The following ULK4 variants were observed in gnomAD, a reference collection of about 807,000 sequenced individuals.
ULK4 encodes the protein unc-51 like kinase 4, also known as inactive serine/threonine-protein kinase ULK4.
A neutral mutation model predicts 160.6 loss-of-function variants in ULK4; 133 were observed. The observed-to-expected ratio is 0.83, with a 90% CI of 0.72 to 0.96. The LOEUF (loss-of-function observed/expected upper bound fraction) is 0.96, where lower values mean the gene tolerates loss of function less well. ULK4 is among the 40% of genes least tolerant of loss of function. The pLI is 0.00. For missense variants in ULK4, 1,580 were observed against 1,499.5 expected, an observed-to-expected ratio of 1.05 and a Z score of -0.89; for synonymous variants, 534 against 539.8, an observed-to-expected ratio of 0.99 and a Z score of 0.15.
At chr3:41,342,300 C>T (rs2080702982) in intron 35 of ULK4, among the ~76,000 whole-genome samples, 1 of 152,192 alleles carries the variant, frequency 6.6e-6, no homozygotes, top group Non-Finnish European at 1.5e-5. Flanking sequence ...AAAGGGCTGC[C>T]TGGAAGGCTA....
At chr3:41,906,095 T>TA (rs1347474800) in intron 12 of ULK4, among the ~76,000 whole-genome samples, 8 of 151,410 alleles carry the variant, frequency 5.3e-5, no homozygotes, top group Admixed American at 4.0e-4. Context: ...CAGGCGCCTG[T>TA]AGTCCCAGCT....
At chr3:41,249,254 C>CT (rs2125665817) in intron 36 of ULK4, among the ~76,000 whole-genome samples, 1 of 152,334 alleles carries the variant, frequency 6.6e-6, no homozygotes, top group South Asian at 2.1e-4. Flanking sequence ...CTAAGACTTT[C>CT]TCTCCCCCTG....
intron 30 of ULK4, among the ~76,000 whole-genome samples, chr3:41,638,720 G>GGC (rs2034058628): frequency 6.6e-6 from 1 of 152,154 alleles, no homozygotes; most frequent in Non-Finnish European, 1.5e-5. Context: ...GCCAATAACT[G>GGC]TCATCACATA....
chr3:41,730,201 A>G (rs1344004670), intron 22 of ULK4, among the ~76,000 whole-genome samples: 1 of 152,126 alleles, frequency 6.6e-6, no homozygotes, highest in Non-Finnish European at 1.5e-5. Flanking sequence ...AATAAGAAAG[A>G]TCTCAAAGAA....
rs1301254550 is a variant in ULK4 at position 41,305,752 on chromosome 3, C to T, written c.3679-56178G>A. ...AAAGTGAGGAGCGTCTCTGCCCGGC[C>T]GCCGTCCCACCTAGGAAGTGAGGAG... On this transcript the variant is annotated intron_variant, in intron 35 of 36. Coordinates refer to ENST00000301831, the MANE Select transcript of ULK4 (RefSeq NM_017886.4). 6.1e-3 allele frequency among the ~76,000 whole-genome samples: 803 copies of T among 132,274 alleles called. 22 individuals are homozygous for T. The highest frequency in any genetic ancestry group is 0.028 in the African/African-American group (737 of 26,646). The allele number at this position is 132,274 out of a possible 152,430, so 86.8% of individuals were successfully genotyped here. A position where few individuals can be genotyped will look rare whatever the true frequency, so the allele number is the denominator to read the frequency against.
At chr3:41,608,624 G>A (rs1177697162) in intron 31 of ULK4, among the ~76,000 whole-genome samples, 1 of 152,194 alleles carries the variant, frequency 6.6e-6, no homozygotes, top group African/African-American at 2.4e-5. Flanking sequence ...TGGGAGTAGT[G>A]TGATGGAGCA....
chr3:41,247,738 G>T (rs1181214850), intron 36 of ULK4, among the ~76,000 whole-genome samples: 1 of 152,184 alleles, frequency 6.6e-6, no homozygotes, highest in Non-Finnish European at 1.5e-5. Context: ...TTTGAACTTG[G>T]CCCACCCCTG....
At chr3:41,422,415 A>G (rs2129651) in intron 34 of ULK4, among the ~76,000 whole-genome samples, 88,319 of 151,968 alleles carry the variant, frequency 0.58, 27,284 homozygotes, top group African/African-American at 0.82. Context: ...TTTAAATAGA[A>G]GGTGAGATGC....
intron 30 of ULK4, among the ~76,000 whole-genome samples, chr3:41,652,619 T>C (rs2034785110): frequency 6.6e-6 from 1 of 152,102 alleles, no homozygotes; most frequent in African/African-American, 2.4e-5. Flanking sequence ...ATCAAATAGT[T>C]CCAAGAGCAA....
intron 32 of ULK4, among the ~76,000 whole-genome samples, chr3:41,501,596 T>C (rs1241105601): frequency 2.6e-5 from 4 of 152,190 alleles, no homozygotes; most frequent in African/African-American, 9.7e-5. Context: ...GATATATGTA[T>C]ATATTATGGA....
At chr3:41,481,495 A>G (rs1258675265) in intron 32 of ULK4, among the ~76,000 whole-genome samples, 1 of 152,332 alleles carries the variant, frequency 6.6e-6, no homozygotes, top group East Asian at 1.9e-4. Context: ...AAACAGACCT[A>G]GACTTAGGAA....
At chr3:41,414,719 C>T (rs1194203148) in intron 34 of ULK4, among the ~76,000 whole-genome samples, 1 of 152,184 alleles carries the variant, frequency 6.6e-6, no homozygotes, top group Admixed American at 6.5e-5. Flanking sequence ...TCATATATCA[C>T]TCCTGCCCAA....
intron 30 of ULK4, among the ~76,000 whole-genome samples, chr3:41,648,686 T>C (rs947215985): frequency 1.3e-5 from 2 of 152,150 alleles, no homozygotes; most frequent in Non-Finnish European, 2.9e-5. Flanking sequence ...CCCTCTCCAC[T>C]TGTGACACTT....
At chr3:41,482,809 A>T (rs1028149130) in intron 32 of ULK4, among the ~76,000 whole-genome samples, 3 of 152,210 alleles carry the variant, frequency 2.0e-5, no homozygotes. Context: ...TTTTTAAAAA[A>T]ATTCAGTTCA....
chr3:41,615,716 G>C lies in ULK4; in HGVS notation c.3073C>G (p.Leu1025Val), dbSNP rs1204607060. Residue 1025 changes from leucine to valine, a missense_variant and splice_region_variant, in exon 31 of 37, where the codon CTT (leucine) becomes GTT (valine). By Grantham distance (32) the Leu-to-Val change is conservative. Coordinates refer to ENST00000301831, the MANE Select transcript of ULK4 (RefSeq NM_017886.4). Reference sequence around the variant, plus strand: ...GGGATCAGTTTGCTTTCTTCCACAAGTCTGTTAAAAACAAGAAAAAAAGAT... The same window carrying C: ...GGGATCAGTTTGCTTTCTTCCACAACTCTGTTAAAAACAAGAAAAAAAGAT... ...MTEHNPTFTR[L>V]VEESKLIPLI... 3.1e-6 allele frequency: 5 copies of C among 1,612,366 alleles called. No homozygotes were observed. The highest frequency in any genetic ancestry group is 4.2e-6 in the Non-Finnish European group (5 of 1,179,112).
chr3:41,599,515 G>C (rs2031915114), intron 31 of ULK4, among the ~76,000 whole-genome samples: 1 of 151,886 alleles, frequency 6.6e-6, no homozygotes, highest in African/African-American at 2.4e-5. Flanking sequence ...CATCACAGGA[G>C]AGAATGTACT....
chr3:41,430,980 A>G (rs17269562), intron 34 of ULK4, among the ~76,000 whole-genome samples: 41,292 of 152,128 alleles, frequency 0.27, 6,025 homozygotes, highest in African/African-American at 0.37. Context: ...TCCCACTTCT[A>G]AAGACACCTA....
At chr3:41,496,953 C>T (rs530080222) in intron 32 of ULK4, among the ~76,000 whole-genome samples, 1 of 151,710 alleles carries the variant, frequency 6.6e-6, no homozygotes, top group Non-Finnish European at 1.5e-5. Flanking sequence ...CAACAAAATT[C>T]AGATTCACAA....
At chr3:41,414,592 AT>A (rs1313318929) in intron 34 of ULK4, among the ~76,000 whole-genome samples, 1 of 152,248 alleles carries the variant, frequency 6.6e-6, no homozygotes, top group African/African-American at 2.4e-5. Context: ...AAAGAAAAAA[AT>A]AATCACTTAC....
Sources: gnomAD v4.1 joint callset for allele counts (sites outside exome capture counted in the v4.1 genomes callset) on GRCh38, gnomAD v4.1.1 for gene constraint, MANE v1.5 for transcripts, NCBI Gene and HGNC (gene_info 2026-07-23, HGNC 2026-07-21) for gene names.